LRP4: variants seen among roughly 807,000 people sequenced by gnomAD.
LRP4 encodes the protein low-density lipoprotein receptor-related protein 4.
LRP4 carries 95 observed loss-of-function variants against 220.3 expected under a neutral mutation model. That is an observed-to-expected ratio of 0.43 (90% confidence interval 0.37 to 0.51). The LOEUF (loss-of-function observed/expected upper bound fraction) is 0.51. Ranked by LOEUF, LRP4 falls within the 20% of genes least tolerant of loss-of-function variation. The probability of loss-of-function intolerance (pLI) is 0.00; values close to 1 mark genes in which losing one functional copy is unlikely to be tolerated. For missense variants in LRP4, 1,925 were observed against 2,567.0 expected, an observed-to-expected ratio of 0.75 and a Z score of 5.40; for synonymous variants, 903 against 954.6, an observed-to-expected ratio of 0.95 and a Z score of 1.00.
rs142439915 is a variant in LRP4 at position 46,875,001 on chromosome 11, C to G, written c.4028G>C (p.Gly1343Ala). Residue 1343 changes from glycine to alanine, a missense_variant, in exon 28 of 38, where the codon GGA (glycine) becomes GCA (alanine). By Grantham distance (60) the Gly-to-Ala change is moderately conservative (BLOSUM62 0). Transcript: ENST00000378623. The surrounding 1 kb of genome is among the most constrained non-coding windows in gnomAD (Gnocchi z 4.5). ...CACPTGIQLK[G>A]DGKTCDPSPE... ...AGAGGGATCACAGGTCTTCCCATCT[C>G]CCTTCAGCTGGATGCCAGTGGGGCA... The G allele has an allele frequency of 9.9e-6, 16 of 1,614,064 alleles. No homozygotes were observed. The highest frequency in any genetic ancestry group is 2.7e-5 in the African/African-American group (2 of 74,922).
In LRP4 at chr11:46,869,314, A is replaced by G. The variant is rs546282787; in HGVS notation, c.4693-182T>C. Among the ~76,000 whole-genome samples the G allele has an allele frequency of 8.5e-5, 13 of 152,202 alleles. No homozygotes were observed. In the East Asian group the frequency reaches 2.3e-3, roughly 27 times the overall value. On this transcript the variant is annotated intron_variant, in intron 31 of 37. Transcript: ENST00000378623. Reference sequence around the variant, plus strand: ...AGGAAATCTCCCCAAATCCATATAGACTTCACCATTCTCTCCTCTATACAG... The same window carrying G: ...AGGAAATCTCCCCAAATCCATATAGGCTTCACCATTCTCTCCTCTATACAG...
chr11:46,895,497 C>T (rs935081964), intron 10 of LRP4, among the ~76,000 whole-genome samples: 2 of 152,174 alleles, frequency 1.3e-5, no homozygotes, highest in Admixed American at 6.5e-5. Context: ...AGGAGAATGG[C>T]TTGAACCCAG....
At chr11:46,868,478 A>G in intron 33 of LRP4, 122 bp downstream of exon 33, 1 of 799,602 alleles carries the variant, frequency 1.3e-6, no homozygotes, top group Non-Finnish European at 2.2e-6. Flanking sequence ...TCACTCCACT[A>G]ATAAGACCTT....
intron 1 of LRP4, among the ~76,000 whole-genome samples, chr11:46,903,179 C>T (rs1226359238): frequency 1.3e-5 from 2 of 152,126 alleles, no homozygotes; most frequent in Admixed American, 1.3e-4. Context: ...TTGCATGGCA[C>T]CTCTAAGGGC....
chr11:46,859,067 A>G lies in LRP4; in HGVS notation c.5634T>C (p.Thr1878=), dbSNP rs747375425. 1.2e-6 allele frequency: 2 copies of G among 1,614,000 alleles called. No homozygotes were observed. The highest frequency in any genetic ancestry group is 1.1e-5 in the South Asian group (1 of 91,078). Residue 1878 remains threonine, a synonymous_variant, in exon 38 of 38, where the codon ACT becomes ACC. Coordinates refer to ENST00000378623, the MANE Select transcript of LRP4 (RefSeq NM_002334.4). ...EEQSECSSVH[T]AATPERRGSL... is the part of the protein sequence containing the mutation. ...AGCCTCGTCTTTCTGGAGTGGCTGCAGTATGGACGCTGCTACACTCAGACT... is the reference window on the plus strand; with the variant it reads ...AGCCTCGTCTTTCTGGAGTGGCTGCGGTATGGACGCTGCTACACTCAGACT...
At chr11:46,870,105 CA>C (rs761655724) in intron 31 of LRP4, among the ~76,000 whole-genome samples, 302 of 132,986 alleles carry the variant, frequency 2.3e-3, no homozygotes, top group Non-Finnish European at 2.4e-3. Flanking sequence ...GACTCCATCT[CA>C]AAAAAAAAAA....
In LRP4 at chr11:46,899,479, T is replaced by C; in HGVS notation, c.455A>G (p.Glu152Gly). ...GCAGCTTCCGTCACTACAGCGGAACTCCTTGTCGGAGCACTTGCGCATGTC... is the reference window on the plus strand; with the variant it reads ...GCAGCTTCCGTCACTACAGCGGAACCCCTTGTCGGAGCACTTGCGCATGTC... Reference protein sequence around the residue: ...QCDMRKCSDKEFRCSDGSCIA... With the variant: ...QCDMRKCSDKGFRCSDGSCIA... The change falls in exon 5 of 38, where the codon GAG becomes GGG. Residue 152 changes from glutamate (E) to glycine (G), a missense_variant. Physicochemically the swap from Glu to Gly is moderately conservative, Grantham distance 98 (BLOSUM62 -2). This residue lies in a region of LRP4 where 412 missense variants were observed against 505.4 expected (regional missense o/e 0.82). Coordinates refer to ENST00000378623, the MANE Select transcript of LRP4 (RefSeq NM_002334.4). This position sits in a 1 kb window ranked among gnomAD's most constrained non-coding sequence, Gnocchi z 5.9. 2 of 1,613,850 alleles carry C rather than the reference T, an allele frequency of 1.2e-6. No individual in the cohort carries two copies. The highest frequency in any genetic ancestry group is 3.3e-5 in the Admixed American group (2 of 60,030).
intron 31 of LRP4, among the ~76,000 whole-genome samples, chr11:46,870,713 C>T (rs1203664147): frequency 6.6e-6 from 1 of 152,244 alleles, no homozygotes; most frequent in Non-Finnish European, 1.5e-5. Context: ...TAAGCCACTA[C>T]ACCTGGCCAA....
At chr11:46,891,778 G>C (rs1391483653) in intron 13 of LRP4, among the ~76,000 whole-genome samples, 2 of 151,952 alleles carry the variant, frequency 1.3e-5, no homozygotes, top group Non-Finnish European at 2.9e-5. Flanking sequence ...AATAAGTCCA[G>C]CTAATTTTTG....
chr11:46,864,569 A>G, intron 35 of LRP4, 34 bp from the exon 36 acceptor site: 1 of 1,420,844 alleles, frequency 7.0e-7, no homozygotes, highest in Non-Finnish European at 1.0e-6. Context: ...GGCAGGGGCC[A>G]CCGACAACTT....
In LRP4 at chr11:46,881,791, C is replaced by T; in HGVS notation, c.2725G>A (p.Ala909Thr). The T allele has an allele frequency of 1.9e-6, 3 of 1,614,018 alleles. No homozygotes were observed. Among genetic ancestry groups the T allele is most frequent in the South Asian group, 1.1e-5 (1 of 90,946 alleles). ...SSNLTWPNGL[A>T]IDYGSQRLYW... is the part of the protein sequence containing the mutation. ...AGACGCTGGGACCCATAATCAATAGCTAACCCATTAGGCCAGGTCAGATTA... is the reference window on the plus strand; with the variant it reads ...AGACGCTGGGACCCATAATCAATAGTTAACCCATTAGGCCAGGTCAGATTA... Residue 909 changes from alanine to threonine, a missense_variant, in exon 20 of 38, where the codon GCT becomes ACT. Around this residue, in one of 3 missense-constraint regions of LRP4, gnomAD observed 1,244 missense variants for 1,624.9 expected, o/e 0.77. Transcript: ENST00000378623.
chr11:46,894,065 T>A (rs1941476262), intron 12 of LRP4, among the ~76,000 whole-genome samples: 1 of 151,986 alleles, frequency 6.6e-6, no homozygotes, highest in Non-Finnish European at 1.5e-5. Context: ...CTAACTTTTG[T>A]ATTTTTAGTA....
Position 46,918,481 on chromosome 11 carries a change from A to C in LRP4, c.-102T>G. 1 of 837,454 alleles carries C rather than the reference A, an allele frequency of 1.2e-6. No individual in the cohort carries two copies. The highest frequency in any genetic ancestry group is 5.6e-5 in the South Asian group (1 of 17,932). 51.9% of individuals were successfully genotyped at this position (837,454 alleles called of 1,614,324 possible). ...CCCGAGGGGGAAGCGTCCCGGGTGC[A>C]CGGCGGCCTGCGCGCCCCGCAAGTC... is the stretch of plus-strand genomic sequence containing the variant. On this transcript the variant is annotated 5_prime_UTR_variant, in exon 1 of 38. Transcript: ENST00000378623. The surrounding 1 kb of genome is among the most constrained non-coding windows in gnomAD (Gnocchi z 6.0).
At chr11:46,902,956 A>C in intron 1 of LRP4, 27 bp from the exon 2 acceptor site, 1 of 1,613,664 alleles carries the variant, frequency 6.2e-7, no homozygotes, top group Non-Finnish European at 8.5e-7. Flanking sequence ...GGAATCAGTG[A>C]GGGCTCAGCT....
chr11:46,862,399 T>C (rs1411483730), intron 37 of LRP4, among the ~76,000 whole-genome samples: 2 of 152,190 alleles, frequency 1.3e-5, no homozygotes, highest in East Asian at 3.8e-4. Context: ...CTAACCTGGC[T>C]CTCACTAAGG....
Position 46,898,634 on chromosome 11 carries a change from A to G in LRP4, c.720T>C (p.Ser240=), listed in dbSNP as rs777096901. Residue 240 remains serine (S), a synonymous_variant, in exon 7 of 38, where the codon AGT becomes AGC. Transcript: ENST00000378623. ...GCCAGCCTGCATTGATGCACAGGCC[A>G]CTGTCACACATGAACTCCCCAGAGC... ...PCRSGEFMCD[S]GLCINAGWRC... is the part of the protein sequence containing the mutation. 15 of 1,614,064 alleles carry G rather than the reference A, an allele frequency of 9.3e-6. No individual in the cohort carries two copies. The highest frequency in any genetic ancestry group is 1.3e-5 in the Non-Finnish European group (15 of 1,180,042).
chr11:46,874,962 AG>A lies in LRP4; in HGVS notation c.4066del (p.Leu1356CysfsTer59). On this transcript the variant is annotated frameshift_variant, in exon 28 of 38. Transcript: ENST00000378623. LOFTEE classifies it high-confidence loss of function. ...GATGGAGCCACGGCTGGAGAAGAGC[AG>A]GTAGGTCTCAGGAGAGGGATCACAG... The part of the protein sequence containing the change: ...KTCDPSPETY[L>X]LFSSRGSIRR... The A allele has an allele frequency of 6.2e-7, 1 of 1,614,208 alleles. No individual in the cohort carries two copies. Among genetic ancestry groups the A allele is most frequent in the Non-Finnish European group, 8.5e-7 (1 of 1,180,038 alleles).
chr11:46,859,814 A>T (rs1230518628), intron 37 of LRP4, among the ~76,000 whole-genome samples: 6 of 152,218 alleles, frequency 3.9e-5, no homozygotes, highest in African/African-American at 1.4e-4. Flanking sequence ...CATCAAAAGC[A>T]ATTGGCAAGA....
At position 46,873,228 on chromosome 11, in the gene LRP4, G is replaced by C; in HGVS notation, c.4455C>G (p.Leu1485=). Residue 1485 remains leucine (L), a synonymous_variant, in exon 30 of 38, where the codon CTC becomes CTG. Coordinates refer to ENST00000378623, the MANE Select transcript of LRP4 (RefSeq NM_002334.4). This position sits in a 1 kb window ranked among gnomAD's most constrained non-coding sequence, Gnocchi z 4.2. ...AIAVFPRKGY[L]FWTDWGHIAK... ...CAATGTGGCCCCAGTCTGTCCAGAA[G>C]AGGTACCTGAGACACAACAGTGCCA... 6.2e-7 allele frequency: 1 copy of C among 1,614,186 alleles called. No individual in the cohort carries two copies. The highest frequency in any genetic ancestry group is 1.3e-5 in the African/African-American group (1 of 75,056).
Sources: allele counts gnomAD v4.1 joint callset (sites outside exome capture counted in the v4.1 genomes callset), GRCh38; gene constraint gnomAD v4.1.1; regional missense constraint gnomAD v4.1.1; non-coding constraint Gnocchi (gnomAD v3.1); transcripts MANE v1.5; gene names NCBI Gene and HGNC (gene_info 2026-07-23, HGNC 2026-07-21).